Variants in MGA observed in about 807,000 individuals in gnomAD.
MGA encodes the protein MAX dimerization protein MGA, also known as MAX gene-associated protein.
A neutral mutation model predicts 261.1 loss-of-function variants in MGA; 40 were observed. The ratio of observed to expected loss-of-function variants is 0.15; its 90% CI spans 0.12 to 0.20. The LOEUF is 0.20. Among genes scored for constraint, MGA ranks in the 10% least tolerant of loss-of-function variants. The pLI is 1.00. For missense variants in MGA, 3,397 were observed against 3,630.5 expected, an observed-to-expected ratio of 0.94 and a Z score of 1.65; for synonymous variants, 1,302 against 1,290.6, an observed-to-expected ratio of 1.01 and a Z score of -0.19.
At chr15:41,719,075 A>G (rs116123307) in intron 9 of MGA, among the ~76,000 whole-genome samples, 460 of 152,348 alleles carry the variant, frequency 3.0e-3, no homozygotes, top group African/African-American at 0.011. Flanking sequence ...AGTATGCAAC[A>G]TGTTTGTACA....
chr15:41,699,961 G>A (rs1379914146), intron 5 of MGA, among the ~76,000 whole-genome samples: 1 of 150,108 alleles, frequency 6.7e-6, no homozygotes, highest in Non-Finnish European at 1.5e-5. Context: ...TGAGTTCTGG[G>A]ATACGTGTAC....
rs1366863291 is a variant in MGA at position 41,669,409 on chromosome 15, A to T, written c.515A>T (p.Gln172Leu). Residue 172 changes from glutamine (Q) to leucine (L), a missense_variant, in exon 2 of 24, where the codon CAA becomes CTA. Coordinates refer to ENST00000219905, the MANE Select transcript of MGA (RefSeq NM_001164273.2). ...TCCACAGGTCATTATTGGATGCATC[A>T]ACCAGTATCTTTCTATAAACTCAAA... The T allele has an allele frequency of 6.2e-7, 1 of 1,613,968 alleles. No individual in the cohort carries two copies. The highest frequency in any genetic ancestry group is 8.5e-7 in the Non-Finnish European group (1 of 1,179,880).
intron 1 of MGA, among the ~76,000 whole-genome samples, chr15:41,637,942 G>A (rs546555350): frequency 2.7e-5 from 4 of 149,700 alleles, no homozygotes; most frequent in Admixed American, 6.7e-5. Context: ...ACGGGGTTTC[G>A]TTGGCCAGGC....
At chr15:41,624,091 G>A (rs1357652509) in intron 1 of MGA, among the ~76,000 whole-genome samples, 1 of 148,688 alleles carries the variant, frequency 6.7e-6, no homozygotes, top group African/African-American at 2.5e-5. Flanking sequence ...TTTTTTGAGG[G>A]TCTCACTCTG....
intron 2 of MGA, among the ~76,000 whole-genome samples, chr15:41,681,664 G>T (rs960192309): frequency 1.3e-5 from 2 of 151,942 alleles, no homozygotes; most frequent in Non-Finnish European, 2.9e-5. Context: ...TTCCCAGGCT[G>T]GTCTTGAACT....
intron 2 of MGA, among the ~76,000 whole-genome samples, chr15:41,676,536 C>G (rs575771115): frequency 2.0e-5 from 3 of 152,278 alleles, no homozygotes; most frequent in East Asian, 3.9e-4. Context: ...AATACTGTTC[C>G]CACAATCTAG....
intron 5 of MGA, among the ~76,000 whole-genome samples, chr15:41,703,368 A>ACCCCCCCCCCCCCCCCCCCC (rs71108121): frequency 3.2e-5 from 3 of 93,250 alleles, no homozygotes; most frequent in South Asian, 4.2e-4. Flanking sequence ...TTGTGAAGTT[A>ACCCCCCCCCCCCCCCCCCCC]CCCCCCCCCC....
At position 41,765,025 on chromosome 15, in the gene MGA, T is replaced by G; in HGVS notation, c.7884T>G (p.Leu2628=). The change falls in exon 23 of 24, where the codon CTT becomes CTG. Residue 2628 remains leucine (L), a synonymous_variant. Transcript: ENST00000219905. ...CTCCTGATCTCTTAGAATCTGATCT[T>G]AAGCCTCAAGTTGCCGGTAGTGCTG... 6.2e-7 allele frequency: 1 copy of G among 1,614,064 alleles called. No homozygotes were observed. The highest frequency in any genetic ancestry group is 8.5e-7 in the Non-Finnish European group (1 of 1,179,900).
At chr15:41,655,133 T>C (rs1281926399) in intron 1 of MGA, among the ~76,000 whole-genome samples, 1 of 152,008 alleles carries the variant, frequency 6.6e-6, no homozygotes, top group Non-Finnish European at 1.5e-5. Flanking sequence ...GGTATTTGCA[T>C]GTAACCCATG....
intron 1 of MGA, 68 bp from the exon 2 acceptor site, chr15:41,668,760 C>T (rs1243334350): frequency 3.6e-6 from 2 of 550,838 alleles, no homozygotes; most frequent in Non-Finnish European, 6.2e-6. Flanking sequence ...TATTTTTGTT[C>T]AAGAAATAAA....
rs1188674149 is a variant in MGA, at chr15:41,769,804, T to C, written c.*2524T>C. On this transcript the variant is annotated 3_prime_UTR_variant, in exon 24 of 24. Transcript: ENST00000219905. Reference sequence around the variant, plus strand: ...TTATGTCAGATTTAGCATTTTCTTTTATATATTAAATATATATATCTTTCC... The same window carrying C: ...TTATGTCAGATTTAGCATTTTCTTTCATATATTAAATATATATATCTTTCC... 2 of 152,622 alleles carry C rather than the reference T, an allele frequency of 1.3e-5. No individual in the cohort carries two copies. The highest frequency in any genetic ancestry group is 1.5e-5 in the Non-Finnish European group (1 of 68,036). The allele number at this position is 152,622 out of a possible 1,614,324, so 9.5% of individuals were successfully genotyped here.
At chr15:41,752,816 C>G (rs2062921207) in intron 17 of MGA, among the ~76,000 whole-genome samples, 1 of 152,122 alleles carries the variant, frequency 6.6e-6, no homozygotes, top group African/African-American at 2.4e-5. Context: ...CGTTGGCCTC[C>G]CAAAAGTGCT....
At chr15:41,724,001 T>C (rs1385958096) in intron 9 of MGA, among the ~76,000 whole-genome samples, 1 of 152,154 alleles carries the variant, frequency 6.6e-6, no homozygotes, top group Non-Finnish European at 1.5e-5. Context: ...CTGTGTATTT[T>C]GTAGCTATTA....
intron 13 of MGA, among the ~76,000 whole-genome samples, chr15:41,737,251 A>G (rs1006767951): frequency 6.6e-6 from 1 of 151,842 alleles, no homozygotes; most frequent in Non-Finnish European, 1.5e-5. Context: ...CAGCCTCCCA[A>G]GTAGCTGGGA....
chr15:41,738,172 G>A (rs973770961), intron 13 of MGA, among the ~76,000 whole-genome samples: 1 of 151,968 alleles, frequency 6.6e-6, no homozygotes, highest in African/African-American at 2.4e-5. Context: ...AGGTGAAGGC[G>A]GGTAGATCAT....
intron 3 of MGA, among the ~76,000 whole-genome samples, 178 bp from the exon 4 acceptor site, chr15:41,698,685 A>G (rs1321387934): frequency 6.6e-6 from 1 of 152,214 alleles, no homozygotes; most frequent in Non-Finnish European, 1.5e-5. Context: ...ATATTAATGT[A>G]GAACACTTAG....
chr15:41,749,412 T>A lies in MGA; in HGVS notation c.5805T>A (p.Ser1935Arg). The change falls in exon 17 of 24, where the codon AGT becomes AGA. Residue 1935 changes from serine to arginine, a missense_variant. Coordinates refer to ENST00000219905, the MANE Select transcript of MGA (RefSeq NM_001164273.2). ...GAGGACAGCCTGTTGGTACAGCCAGTCTTATTCCTCTCCAGTCTGGTAGTT... is the reference window on the plus strand; with the variant it reads ...GAGGACAGCCTGTTGGTACAGCCAGACTTATTCCTCTCCAGTCTGGTAGTT... The A allele has an allele frequency of 6.2e-7, 1 of 1,614,006 alleles. No homozygotes were observed. Among genetic ancestry groups the A allele is most frequent in the Non-Finnish European group, 8.5e-7 (1 of 1,179,896 alleles).
chr15:41,657,436 C>T (rs2057229653), upstream of MGA, among the ~76,000 whole-genome samples: 1 of 149,742 alleles, frequency 6.7e-6, no homozygotes, highest in Non-Finnish European at 1.5e-5. Context: ...TCACTGCAAC[C>T]TCCACCTCCC....
At chr15:41,636,155 T>TA (rs1336459701) in intron 1 of MGA, among the ~76,000 whole-genome samples, 16 of 152,242 alleles carry the variant, frequency 1.1e-4, no homozygotes, top group Middle Eastern at 3.4e-3. Context: ...AATTTTTTTT[T>TA]ATAGACAGGG....
Sources: gnomAD v4.1 joint callset for allele counts (sites outside exome capture counted in the v4.1 genomes callset) on GRCh38, gnomAD v4.1.1 for gene constraint, MANE v1.5 for transcripts, NCBI Gene and HGNC (gene_info 2026-07-23, HGNC 2026-07-21) for gene names.